The following TFEC variants were observed in gnomAD, a reference collection of about 807,000 sequenced individuals.
TFEC encodes the protein transcription factor EC, also known as class E basic helix-loop-helix protein 34.
A neutral mutation model predicts 41.6 loss-of-function variants in TFEC; 31 were observed. The ratio of observed to expected loss-of-function variants is 0.74; its 90% CI spans 0.56 to 1.01. The LOEUF (loss-of-function observed/expected upper bound fraction) is 1.01, where lower values mean the gene tolerates loss of function less well. Ranked by LOEUF, TFEC falls within the 50% of genes least tolerant of loss-of-function variation. The pLI is 0.00. For synonymous variants in TFEC, 143 were observed against 140.6 expected (o/e 1.02, Z -0.12); for missense variants, 402 against 404.1 (o/e 0.99, Z 0.04).
At chr7:116,051,826 G>C (rs1484350195) in intron 3 of TFEC, among the ~76,000 whole-genome samples, 3 of 151,940 alleles carry the variant, frequency 2.0e-5, no homozygotes. Context: ...CAGAATTTTT[G>C]ATAGGTACTA....
intron 3 of TFEC, among the ~76,000 whole-genome samples, chr7:115,965,462 G>T (rs1792797798): frequency 6.6e-6 from 1 of 151,602 alleles, no homozygotes; most frequent in Non-Finnish European, 1.5e-5. Flanking sequence ...TTTGCTTACT[G>T]TTAGGATAAG....
rs937695605 is a variant in TFEC, at chr7:115,937,556, C to A, written c.*2995G>T. 4.0e-5 allele frequency: 6 copies of A among 151,594 alleles called. No homozygotes were observed. Among genetic ancestry groups the A allele is most frequent in the African/African-American group, 1.5e-4 (6 of 41,338 alleles). 9.4% of individuals were successfully genotyped at this position (151,594 alleles called of 1,614,324 possible). A position where few individuals can be genotyped will look rare whatever the true frequency, so the allele number is the denominator to read the frequency against. ...CTCAGTAATTATAGTGAAACTGACCCATATATAATAAATAGAAGGCATAGT... is the reference window on the plus strand; with the variant it reads ...CTCAGTAATTATAGTGAAACTGACCAATATATAATAAATAGAAGGCATAGT... On this transcript the variant is annotated 3_prime_UTR_variant, in exon 8 of 8. Coordinates refer to ENST00000265440, the MANE Select transcript of TFEC (RefSeq NM_012252.4).
chr7:116,096,308 T>C (rs965223500), intron 3 of TFEC, among the ~76,000 whole-genome samples: 3 of 152,238 alleles, frequency 2.0e-5, no homozygotes, highest in African/African-American at 7.2e-5. Flanking sequence ...CACTTTTGTA[T>C]TGCTATTACC....
In TFEC at chr7:115,940,291, C is replaced by T. The variant is rs1020722192; in HGVS notation, c.*260G>A. 23 of 354,856 alleles carry T rather than the reference C, an allele frequency of 6.5e-5. No homozygotes were observed. Among genetic ancestry groups the T allele is most frequent in the Admixed American group, 2.2e-4 (5 of 22,872 alleles). 22.0% of individuals were successfully genotyped at this position (354,856 alleles called of 1,614,324 possible). On this transcript the variant is annotated 3_prime_UTR_variant, in exon 8 of 8. Coordinates refer to ENST00000265440, the MANE Select transcript of TFEC (RefSeq NM_012252.4). Reference sequence around the variant, plus strand: ...TAAAGAGCTATTTCTTATGCTGTACCTCTTTTCAGGAAAACAGAATTTAAG... The same window carrying T: ...TAAAGAGCTATTTCTTATGCTGTACTTCTTTTCAGGAAAACAGAATTTAAG...
rs190819563 is a variant in TFEC at position 116,053,390 on chromosome 7, G to T, written c.198+57318C>A. On this transcript the variant is annotated intron_variant, in intron 3 of 8. Coordinates refer to the TFEC transcript ENST00000484212. ...TTGAGAGTGTGAACAAAGGCATTTG[G>T]ACATTTTTGAGGATAATAATGCTGC... is the stretch of plus-strand genomic sequence containing the variant. Among the ~76,000 whole-genome samples, 126 of 152,306 alleles carry T rather than the reference G, an allele frequency of 8.3e-4. 1 individual carries two copies. The highest frequency in any genetic ancestry group is 5.5e-3 in the Admixed American group (84 of 15,304).
Position 116,062,599 on chromosome 7 carries a change from A to ATATATG in TFEC, c.198+48108_198+48109insCATATA, listed in dbSNP as rs1400618373. On this transcript the variant is annotated intron_variant, in intron 3 of 8. Coordinates refer to the TFEC transcript ENST00000484212. ...TATATATATATATATATATATATAT[A>ATATATG]TCACATTTTTTTACTTGTTGATTGA... 7.8e-4 allele frequency among the ~76,000 whole-genome samples: 94 copies of ATATATG among 120,024 alleles called. 1 individual carries two copies. The highest frequency in any genetic ancestry group is 1.5e-3 in the Non-Finnish European group (83 of 56,890). The allele number at this position is 120,024 out of a possible 152,430, so 78.7% of individuals were successfully genotyped here.
At chr7:115,956,854 G>T (rs1792263083) in intron 3 of TFEC, 61 bp from the exon 4 acceptor site, 3 of 979,456 alleles carry the variant, frequency 3.1e-6, no homozygotes, top group Non-Finnish European at 4.3e-6. Flanking sequence ...GATATATTTA[G>T]TTATATATAT....
chr7:115,956,514 C>T (rs1792237877), intron 4 of TFEC, among the ~76,000 whole-genome samples, 165 bp downstream of exon 4: 1 of 151,882 alleles, frequency 6.6e-6, no homozygotes, highest in Non-Finnish European at 1.5e-5. Context: ...GTTATTTTAA[C>T]TTACTGCTTG....
chr7:116,013,573 C>T (rs981435748), intron 1 of TFEC, among the ~76,000 whole-genome samples: 1 of 152,084 alleles, frequency 6.6e-6, no homozygotes, highest in African/African-American at 2.4e-5. Context: ...TTAAAAAATA[C>T]TGGACCTCAG....
chr7:115,963,168 A>G (rs1401840933), intron 3 of TFEC, among the ~76,000 whole-genome samples: 1 of 151,822 alleles, frequency 6.6e-6, no homozygotes, highest in African/African-American at 2.4e-5. Flanking sequence ...AATGGGCAAA[A>G]GACTTGAATA....
intron 3 of TFEC, among the ~76,000 whole-genome samples, chr7:116,063,081 C>T (rs1002720151): frequency 2.0e-5 from 3 of 152,166 alleles, no homozygotes; most frequent in African/African-American, 7.2e-5. Flanking sequence ...CAAGAGAATA[C>T]TACTCAGCAA....
intron 3 of TFEC, among the ~76,000 whole-genome samples, chr7:116,049,159 T>G (rs1020515385): frequency 6.6e-6 from 1 of 152,180 alleles, no homozygotes; most frequent in Admixed American, 6.5e-5. Flanking sequence ...ATGGGCTAAA[T>G]GCTCCCATTA....
At chr7:116,137,628 G>A (rs1399744359) in intron 1 of TFEC, among the ~76,000 whole-genome samples, 1 of 152,090 alleles carries the variant, frequency 6.6e-6, no homozygotes, top group Non-Finnish European at 1.5e-5. Flanking sequence ...CTAACTGGTA[G>A]TTACTCTCTA....
chr7:116,125,634 T>G (rs2116255349), intron 1 of TFEC, among the ~76,000 whole-genome samples: 1 of 152,120 alleles, frequency 6.6e-6, no homozygotes, highest in South Asian at 2.1e-4. Flanking sequence ...AAGGGACAAT[T>G]CCAAAAGATC....
At chr7:115,993,206 T>C (rs1405112292) in intron 1 of TFEC, among the ~76,000 whole-genome samples, 3 of 152,174 alleles carry the variant, frequency 2.0e-5, no homozygotes, top group Non-Finnish European at 4.4e-5. Context: ...GGGACGTATC[T>C]CAAAATAATA....
At chr7:116,110,075 A>G (rs1417129500) in intron 3 of TFEC, among the ~76,000 whole-genome samples, 1 of 152,088 alleles carries the variant, frequency 6.6e-6, no homozygotes, top group African/African-American at 2.4e-5. Flanking sequence ...AGGGCCTGTC[A>G]TGGAGTGGGG....
intron 1 of TFEC, among the ~76,000 whole-genome samples, chr7:115,991,026 T>G (rs577122270): frequency 2.0e-5 from 3 of 152,286 alleles, no homozygotes; most frequent in Non-Finnish European, 2.9e-5. Flanking sequence ...GACTAACAGC[T>G]GATCTCTCCA....
chr7:116,013,019 A>AT (rs1304233882), intron 1 of TFEC, among the ~76,000 whole-genome samples: 1 of 152,050 alleles, frequency 6.6e-6, no homozygotes, highest in African/African-American at 2.4e-5. Context: ...TGATTGGGGC[A>AT]TTTTAGGTAG....
At chr7:116,013,038 T>C (rs1393378673) in intron 1 of TFEC, among the ~76,000 whole-genome samples, 1 of 152,068 alleles carries the variant, frequency 6.6e-6, no homozygotes, top group Non-Finnish European at 1.5e-5. Flanking sequence ...AGTTAAATAT[T>C]AAAATAATCT....
Sources: allele counts gnomAD v4.1 joint callset (sites outside exome capture counted in the v4.1 genomes callset), GRCh38; gene constraint gnomAD v4.1.1; transcripts MANE v1.5; gene names NCBI Gene and HGNC (gene_info 2026-07-23, HGNC 2026-07-21).